Variants in NYAP2 observed in about 807,000 individuals in gnomAD.
NYAP2 encodes neuronal tyrosine-phosphorylated phosphoinositide-3-kinase adapter 2.
Under a neutral mutation model 50.4 loss-of-function variants are expected in NYAP2, and 23 were observed. That is an observed-to-expected ratio of 0.46 (90% CI 0.33 to 0.65). NYAP2 has a LOEUF of 0.65. Ranked by LOEUF, NYAP2 falls within the 30% of genes least tolerant of loss-of-function variation. The pLI, the probability that NYAP2 is intolerant of heterozygous loss-of-function variation, is 0.02. For missense variants in NYAP2, 885 were observed against 861.0 expected (o/e 1.03, Z -0.35); for synonymous variants, 394 against 365.2 (o/e 1.08, Z -0.90).
At chr2:225,480,838 A>T (rs1015298959) in intron 3 of NYAP2, among the ~76,000 whole-genome samples, 1 of 152,112 alleles carries the variant, frequency 6.6e-6, no homozygotes, top group African/African-American at 2.4e-5. Flanking sequence ...TAGTTGTTTT[A>T]AAAAATAGTT....
chr2:225,695,427 T>C, the NYAP2 span, among the ~76,000 whole-genome samples: 1 of 151,936 alleles, frequency 6.6e-6, no homozygotes. Flanking sequence ...TTGAAATGTA[T>C]AGAACCCATA....
chr2:225,635,389 G>C (rs1328036192), intron 6 of NYAP2, among the ~76,000 whole-genome samples: 1 of 152,126 alleles, frequency 6.6e-6, no homozygotes, highest in Non-Finnish European at 1.5e-5. Context: ...TTACAGGAGA[G>C]ATCAAATAAA....
intron 5 of NYAP2, among the ~76,000 whole-genome samples, chr2:225,621,884 T>C (rs1377933723): frequency 2.6e-5 from 4 of 152,130 alleles, no homozygotes; most frequent in Admixed American, 6.6e-5. Context: ...GTTCCTTTTT[T>C]TGTAAGGCTG....
chr2:225,582,076 C>A lies in NYAP2; in HGVS notation c.659C>A (p.Thr220Lys). Residue 220 changes from threonine (T) to lysine (K), a missense_variant, in exon 5 of 7, where the codon ACG (threonine) becomes AAG (lysine). Physicochemically the swap from Thr to Lys is moderately conservative, Grantham distance 78. Coordinates refer to ENST00000636099, the Ensembl canonical transcript of NYAP2. The surrounding 1 kb of genome is among the most constrained non-coding windows in gnomAD (Gnocchi z 7.0). ...ATCAAAAAGCATGGGCCCCGGAGGACGTCGCTGCCGCGGGACTCCTCCTTG... is the reference window on the plus strand; with the variant it reads ...ATCAAAAAGCATGGGCCCCGGAGGAAGTCGCTGCCGCGGGACTCCTCCTTG... The A allele has an allele frequency of 6.2e-7, 1 of 1,614,012 alleles. No individual in the cohort carries two copies. Among genetic ancestry groups the A allele is most frequent in the Non-Finnish European group, 8.5e-7 (1 of 1,179,900 alleles).
intron 4 of NYAP2, among the ~76,000 whole-genome samples, chr2:225,557,096 T>C (rs1049314156): frequency 6.6e-6 from 1 of 152,210 alleles, no homozygotes. Context: ...TTAGCTCTGC[T>C]CTAATTTCAT....
intron 3 of NYAP2, among the ~76,000 whole-genome samples, chr2:225,504,000 G>A (rs1177751129): frequency 2.0e-5 from 3 of 152,116 alleles, no homozygotes; most frequent in Non-Finnish European, 4.4e-5. Flanking sequence ...GTGCTCTAGG[G>A]TGGAAACTTA....
intron 3 of NYAP2, among the ~76,000 whole-genome samples, chr2:225,495,520 G>T (rs920717113): frequency 2.2e-4 from 33 of 152,054 alleles, no homozygotes; most frequent in Admixed American, 1.7e-3. Flanking sequence ...TTAATCACCT[G>T]ACTCTACCCC....
chr2:225,411,659 A>G (rs1447902224), intron 3 of NYAP2, among the ~76,000 whole-genome samples: 1 of 152,084 alleles, frequency 6.6e-6, no homozygotes, highest in Non-Finnish European at 1.5e-5. Flanking sequence ...TGCTCATATG[A>G]TAGGAACAGT....
At chr2:225,604,895 T>C (rs1692760003) in intron 5 of NYAP2, among the ~76,000 whole-genome samples, 2 of 152,156 alleles carry the variant, frequency 1.3e-5, no homozygotes, top group South Asian at 4.1e-4. Context: ...GTTTACTCTT[T>C]CTGCCTTACT....
chr2:225,503,589 C>A (rs1005181800), intron 3 of NYAP2, among the ~76,000 whole-genome samples: 9 of 152,150 alleles, frequency 5.9e-5, no homozygotes, highest in African/African-American at 1.7e-4. Flanking sequence ...TTAAAAAAAT[C>A]TCTCTACTTC....
chr2:225,530,668 T>A (rs1691238918), intron 4 of NYAP2, among the ~76,000 whole-genome samples: 1 of 152,162 alleles, frequency 6.6e-6, no homozygotes, highest in Admixed American at 6.6e-5. Flanking sequence ...AATAAATAAG[T>A]CATGAATTCC....
At chr2:225,470,399 G>A (rs1309714079) in intron 3 of NYAP2, among the ~76,000 whole-genome samples, 1 of 152,094 alleles carries the variant, frequency 6.6e-6, no homozygotes, top group Non-Finnish European at 1.5e-5. Flanking sequence ...ACCTATTCAT[G>A]AGCACTATAT....
chr2:225,570,805 A>C (rs990320473), intron 4 of NYAP2, among the ~76,000 whole-genome samples: 3 of 152,200 alleles, frequency 2.0e-5, no homozygotes, highest in African/African-American at 7.2e-5. Context: ...AGTCCCCCAA[A>C]GTCTTAACTC....
the NYAP2 span, among the ~76,000 whole-genome samples, chr2:225,666,874 CAGAGG>C: frequency 7.1e-6 from 1 of 141,838 alleles, no homozygotes; most frequent in African/African-American, 2.8e-5. Flanking sequence ...AACACACACA[CAGAGG>C]ACAGCTTTGC....
At chr2:225,693,085 T>G in the NYAP2 span, among the ~76,000 whole-genome samples, 10 of 152,248 alleles carry the variant, frequency 6.6e-5, no homozygotes, top group East Asian at 1.7e-3. Flanking sequence ...TGATACATCA[T>G]TATCAGCTTA....
chr2:225,574,436 A>G (rs1196464306), intron 4 of NYAP2, among the ~76,000 whole-genome samples: 1 of 152,152 alleles, frequency 6.6e-6, no homozygotes, highest in Non-Finnish European at 1.5e-5. Flanking sequence ...GGTTTTGATT[A>G]TCTGTGGTTC....
At chr2:225,690,701 A>G in the NYAP2 span, among the ~76,000 whole-genome samples, 1 of 152,096 alleles carries the variant, frequency 6.6e-6, no homozygotes, top group South Asian at 2.1e-4. Context: ...TATGTAACTG[A>G]CATATTTAGA....
chr2:225,603,607 T>C (rs1692734592), intron 5 of NYAP2, among the ~76,000 whole-genome samples: 1 of 152,122 alleles, frequency 6.6e-6, no homozygotes, highest in African/African-American at 2.4e-5. Context: ...TTGTGTTTTC[T>C]TTCTTCTTTG....
At chr2:225,632,729 A>G (rs989319382) in intron 6 of NYAP2, among the ~76,000 whole-genome samples, 7 of 152,312 alleles carry the variant, frequency 4.6e-5, no homozygotes, top group African/African-American at 1.7e-4. Flanking sequence ...TGGTATTGAC[A>G]AAAACTCAGA....
Sources: allele counts gnomAD v4.1 joint callset (sites outside exome capture counted in the v4.1 genomes callset), GRCh38; gene constraint gnomAD v4.1.1; non-coding constraint Gnocchi (gnomAD v3.1); transcripts MANE v1.5; gene names NCBI Gene and HGNC (gene_info 2026-07-23, HGNC 2026-07-21).